Variants in SCHIP1 observed in about 807,000 individuals in gnomAD.
SCHIP1 encodes schwannomin interacting protein 1, also known as schwannomin-interacting protein 1.
A neutral mutation model predicts 29.7 loss-of-function variants in SCHIP1; 8 were observed. That is an observed-to-expected ratio of 0.27 (90% confidence interval 0.16 to 0.49). The LOEUF is 0.49. Ranked by LOEUF, SCHIP1 falls within the 20% of genes least tolerant of loss-of-function variation. The pLI is 0.99. For missense variants in SCHIP1, 193 were observed against 294.6 expected (o/e 0.66, Z 2.52); for synonymous variants, 76 against 94.9 (o/e 0.80, Z 1.16).
the SCHIP1 span, among the ~76,000 whole-genome samples, chr3:159,775,807 A>G: frequency 1.3e-5 from 2 of 152,226 alleles, no homozygotes; most frequent in South Asian, 2.1e-4. Context: ...TTGGTTTGCC[A>G]TATATGGAGA....
the SCHIP1 span, among the ~76,000 whole-genome samples, chr3:159,650,920 A>G: frequency 2.0e-5 from 3 of 152,310 alleles, no homozygotes; most frequent in East Asian, 5.8e-4. Flanking sequence ...TAGCTTAGTA[A>G]TCAGAACTAC....
the SCHIP1 span, among the ~76,000 whole-genome samples, chr3:159,502,675 G>A: frequency 6.6e-6 from 1 of 150,888 alleles, no homozygotes; most frequent in Non-Finnish European, 1.5e-5. Flanking sequence ...CCCAGAGTGT[G>A]ATGTTCCCCT....
At chr3:159,566,152 C>A in the SCHIP1 span, among the ~76,000 whole-genome samples, 1 of 152,144 alleles carries the variant, frequency 6.6e-6, no homozygotes, top group Non-Finnish European at 1.5e-5. Context: ...AGAGACAGGG[C>A]TGCCTTATAT....
chr3:159,735,430 A>G, the SCHIP1 span, among the ~76,000 whole-genome samples: 4 of 151,830 alleles, frequency 2.6e-5, no homozygotes, highest in East Asian at 1.9e-4. Flanking sequence ...GGATTTTACC[A>G]TGTTGGCCAG....
At chr3:159,755,072 A>G in the SCHIP1 span, among the ~76,000 whole-genome samples, 27 of 152,124 alleles carry the variant, frequency 1.8e-4, no homozygotes, top group Non-Finnish European at 3.4e-4. Flanking sequence ...CGTCTCTACT[A>G]AAAATACAAA....
At chr3:159,853,930 C>T (rs1712995432) in intron 1 of SCHIP1, among the ~76,000 whole-genome samples, 1 of 151,720 alleles carries the variant, frequency 6.6e-6, no homozygotes, top group African/African-American at 2.4e-5. Flanking sequence ...TTTCCCTGCC[C>T]TTTTTTTTGA....
the SCHIP1 span, among the ~76,000 whole-genome samples, chr3:159,352,770 C>CTTT: frequency 3.6e-3 from 528 of 147,974 alleles, 2 homozygotes; most frequent in African/African-American, 0.012. Context: ...ATTTTAATAG[C>CTTT]TTTTTTTTTT....
the SCHIP1 span, among the ~76,000 whole-genome samples, chr3:159,810,074 C>T: frequency 6.6e-6 from 1 of 152,210 alleles, no homozygotes; most frequent in South Asian, 2.1e-4. Context: ...GAGACGGAGT[C>T]TCGCACTGTC....
chr3:159,854,975 T>G (rs1713154406), intron 1 of SCHIP1, among the ~76,000 whole-genome samples: 1 of 152,202 alleles, frequency 6.6e-6, no homozygotes, highest in African/African-American at 2.4e-5. Flanking sequence ...CAAGGAGCTT[T>G]AAAACATCAA....
chr3:159,714,242 T>C, the SCHIP1 span, among the ~76,000 whole-genome samples: 2 of 151,722 alleles, frequency 1.3e-5, no homozygotes, highest in African/African-American at 4.8e-5. Flanking sequence ...TCTCAAAAAA[T>C]AAAAAATAAT....
chr3:159,397,384 G>T, the SCHIP1 span, among the ~76,000 whole-genome samples: 1 of 152,228 alleles, frequency 6.6e-6, no homozygotes, highest in East Asian at 1.9e-4. Flanking sequence ...TCCTTTGGAG[G>T]AGGAGAGGCG....
the SCHIP1 span, among the ~76,000 whole-genome samples, chr3:159,661,554 T>G: frequency 6.6e-6 from 1 of 152,158 alleles, no homozygotes; most frequent in Admixed American, 6.5e-5. Context: ...TAGAAATAAA[T>G]TAAAGAGTGT....
the SCHIP1 span, among the ~76,000 whole-genome samples, chr3:159,797,243 CT>C: frequency 6.6e-6 from 1 of 152,152 alleles, no homozygotes; most frequent in East Asian, 1.9e-4. Context: ...CACTGTAAAA[CT>C]TGATTTTATT....
the SCHIP1 span, among the ~76,000 whole-genome samples, chr3:159,491,490 C>T: frequency 3.3e-5 from 5 of 152,190 alleles, no homozygotes; most frequent in African/African-American, 7.2e-5. Flanking sequence ...CCTAGGCCCA[C>T]GGAGCTTCCC....
the SCHIP1 span, among the ~76,000 whole-genome samples, chr3:159,724,256 C>G: frequency 6.6e-6 from 1 of 151,984 alleles, no homozygotes. Context: ...TAAAATAACT[C>G]CTTATATGTT....
intron 2 of SCHIP1, among the ~76,000 whole-genome samples, chr3:159,874,811 A>T (rs559109568): frequency 6.6e-6 from 1 of 152,222 alleles, no homozygotes; most frequent in South Asian, 2.1e-4. Flanking sequence ...TGTCTGTGGC[A>T]TCTTTCTTGA....
chr3:159,828,396 CGTAT>C, the SCHIP1 span, among the ~76,000 whole-genome samples: 121 of 60,136 alleles, frequency 2.0e-3, 1 homozygote, highest in Admixed American at 3.5e-3. Context: ...TACATATATA[CGTAT>C]ATATATACGT....
chr3:159,350,396 T>G, the SCHIP1 span, among the ~76,000 whole-genome samples: 5 of 152,152 alleles, frequency 3.3e-5, no homozygotes, highest in East Asian at 1.9e-4. Context: ...AGAGATTGTA[T>G]AGTAAAAAAG....
the SCHIP1 span, among the ~76,000 whole-genome samples, chr3:159,716,524 C>A: frequency 2.6e-5 from 4 of 152,124 alleles, no homozygotes; most frequent in Admixed American, 6.6e-5. Context: ...TGCAGAGACA[C>A]ACATAGGCTC....
Sources: allele counts gnomAD v4.1 joint callset (sites outside exome capture counted in the v4.1 genomes callset), GRCh38; gene constraint gnomAD v4.1.1; transcripts MANE v1.5; gene names NCBI Gene and HGNC (gene_info 2026-07-23, HGNC 2026-07-21).